The following CCSER1 variants were observed in gnomAD, a reference collection of about 807,000 sequenced individuals.
CCSER1 encodes the protein serine-rich coiled-coil domain-containing protein 1.
Under a neutral mutation model 82.0 loss-of-function variants are expected in CCSER1, and 41 were observed. The observed-to-expected ratio is 0.50, with a 90% CI of 0.39 to 0.65. The LOEUF is 0.65. Among genes scored for constraint, CCSER1 ranks in the 30% least tolerant of loss-of-function variants. The probability of loss-of-function intolerance (pLI) is 0.00; values close to 1 mark genes in which losing one functional copy is unlikely to be tolerated. For missense variants in CCSER1, 1,119 were observed against 1,064.2 expected (o/e 1.05, Z -0.72); for synonymous variants, 414 against 383.9 (o/e 1.08, Z -0.92).
chr4:90,882,649 A>G (rs1721510916), intron 8 of CCSER1, among the ~76,000 whole-genome samples: 1 of 152,050 alleles, frequency 6.6e-6, no homozygotes, highest in South Asian at 2.1e-4. Flanking sequence ...TCTAATCATT[A>G]AAGAATAATG....
At chr4:90,541,655 TCTCA>T (rs1417623601) in intron 5 of CCSER1, among the ~76,000 whole-genome samples, 1 of 152,096 alleles carries the variant, frequency 6.6e-6, no homozygotes, top group African/African-American at 2.4e-5. Context: ...TCCTGTTCTC[TCTCA>T]CTCTCTCTCA....
At chr4:90,452,364 T>C (rs1761573018) in intron 4 of CCSER1, among the ~76,000 whole-genome samples, 1 of 152,164 alleles carries the variant, frequency 6.6e-6, no homozygotes, top group Non-Finnish European at 1.5e-5. Context: ...GAGCTTGATA[T>C]TTGAGTAGGT....
At chr4:90,611,268 C>A (rs756096513) in intron 5 of CCSER1, among the ~76,000 whole-genome samples, 1 of 151,936 alleles carries the variant, frequency 6.6e-6, no homozygotes, top group Non-Finnish European at 1.5e-5. Context: ...AAATGAAGCT[C>A]TGTTGCCTTT....
intron 8 of CCSER1, among the ~76,000 whole-genome samples, chr4:90,853,510 A>G (rs1351175853): frequency 6.6e-6 from 1 of 152,170 alleles, no homozygotes; most frequent in Non-Finnish European, 1.5e-5. Context: ...ATTTTTGATC[A>G]ATATGTTATT....
chr4:90,220,633 T>G (rs918002833), intron 1 of CCSER1, among the ~76,000 whole-genome samples: 1 of 152,210 alleles, frequency 6.6e-6, no homozygotes, highest in African/African-American at 2.4e-5. Flanking sequence ...GTTTCTGTAC[T>G]TTGTATCCGT....
intron 7 of CCSER1, among the ~76,000 whole-genome samples, chr4:90,728,592 T>C (rs1258154410): frequency 6.6e-6 from 1 of 152,138 alleles, no homozygotes; most frequent in African/African-American, 2.4e-5. Flanking sequence ...TCCAGCACTT[T>C]GGGAAGCTGA....
Position 90,168,833 on chromosome 4 carries a change from A to G in CCSER1, c.-42+41002A>G, listed in dbSNP as rs1731042502. On this transcript the variant is annotated intron_variant, in intron 1 of 10. Coordinates refer to ENST00000509176, the MANE Select transcript of CCSER1 (RefSeq NM_001145065.2). The stretch of plus-strand genomic sequence containing the variant: ...GGGCTCCATTCTGTTGCATTGATCT[A>G]TATCTCTGTTTTGGTACCAGTACCA... Among the ~76,000 whole-genome samples the G allele has an allele frequency of 1.4e-5, 2 of 140,568 alleles. 1 individual carries two copies. The highest frequency in any genetic ancestry group is 5.7e-5 in the African/African-American group (2 of 35,274). 92.2% of individuals were successfully genotyped at this position (140,568 alleles called of 152,430 possible). A position where few individuals can be genotyped will look rare whatever the true frequency, so the allele number is the denominator to read the frequency against.
Position 91,067,644 on chromosome 4 carries a change from C to G in CCSER1, c.2173-18306C>G, listed in dbSNP as rs79229390. On this transcript the variant is annotated intron_variant, in intron 9 of 10. Transcript: ENST00000509176. ...ACAGGTATGAGCCACTGCACCCACC[C>G]CATCCTTCTTCTTTAAGGTAAATTA... Among the ~76,000 whole-genome samples, 37 of 152,182 alleles carry G rather than the reference C, an allele frequency of 2.4e-4. 1 individual carries two copies. In the East Asian group the frequency reaches 6.0e-3, roughly 25 times the overall value.
intron 7 of CCSER1, chr4:90,781,910 T>G (rs1428384134): frequency 1.1e-6 from 1 of 930,066 alleles, no homozygotes; most frequent in African/African-American, 1.8e-5. Flanking sequence ...CAAAAAAAGA[T>G]AAAATCGTAT....
chr4:90,818,163 A>G (rs896479723), intron 8 of CCSER1, among the ~76,000 whole-genome samples: 8 of 152,148 alleles, frequency 5.3e-5, no homozygotes, highest in Non-Finnish European at 1.0e-4. Context: ...AGAAAGTTTT[A>G]AATTTTTTGA....
At chr4:90,790,219 A>G (rs1301770657) in intron 7 of CCSER1, among the ~76,000 whole-genome samples, 1 of 152,216 alleles carries the variant, frequency 6.6e-6, no homozygotes, top group Non-Finnish European at 1.5e-5. Context: ...TAATATCCTC[A>G]GCAAACTACT....
At position 90,343,987 on chromosome 4, in the gene CCSER1, TACTA is replaced by T. The variant is rs572351808; in HGVS notation, c.1509+30945_1509+30948del. ...TCAAATACTAGGTCTTATTCATTCTTACTAACTATTTTTTGTACCCATTAACCAT... is the reference window on the plus strand; with the variant it reads ...TCAAATACTAGGTCTTATTCATTCTTACTATTTTTTGTACCCATTAACCAT... On this transcript the variant is annotated intron_variant, in intron 3 of 10. Coordinates refer to ENST00000509176, the MANE Select transcript of CCSER1 (RefSeq NM_001145065.2). Among the ~76,000 whole-genome samples, 845 of 152,264 alleles carry T rather than the reference TACTA, an allele frequency of 5.5e-3. 8 individuals are homozygous for T. Among genetic ancestry groups the T allele is most frequent in the African/African-American group, 0.018 (733 of 41,556 alleles).
At chr4:91,381,860 C>A (rs1233638306) in intron 10 of CCSER1, among the ~76,000 whole-genome samples, 2 of 152,128 alleles carry the variant, frequency 1.3e-5, no homozygotes. Flanking sequence ...TGTTTTATCC[C>A]CATCTTCATG....
chr4:91,464,652 G>A (rs1756756739), intron 10 of CCSER1, among the ~76,000 whole-genome samples: 1 of 152,170 alleles, frequency 6.6e-6, no homozygotes, highest in African/African-American at 2.4e-5. Context: ...TAAAGGGATG[G>A]AGGAAGATCT....
chr4:91,187,714 G>A (rs1016067473), intron 10 of CCSER1, among the ~76,000 whole-genome samples: 11 of 151,970 alleles, frequency 7.2e-5, no homozygotes, highest in African/African-American at 9.7e-5. Flanking sequence ...TACCATGACC[G>A]GCTAATTTTT....
chr4:90,846,880 C>T (rs1483676785), intron 8 of CCSER1, among the ~76,000 whole-genome samples: 1 of 152,146 alleles, frequency 6.6e-6, no homozygotes, highest in African/African-American at 2.4e-5. Context: ...ATCTCTTGAC[C>T]TGGTGATACA....
intron 1 of CCSER1, among the ~76,000 whole-genome samples, chr4:90,147,886 C>T (rs115608320): frequency 0.024 from 3,579 of 152,134 alleles, 134 homozygotes; most frequent in African/African-American, 0.08. Flanking sequence ...TATAAAAGGC[C>T]GGGCATGGTG....
At chr4:90,497,562 CTTG>C (rs1769222756) in intron 5 of CCSER1, among the ~76,000 whole-genome samples, 1 of 152,094 alleles carries the variant, frequency 6.6e-6, no homozygotes, top group Admixed American at 6.6e-5. Flanking sequence ...ACTATTTAAA[CTTG>C]TTGTTTTTAA....
intron 3 of CCSER1, among the ~76,000 whole-genome samples, chr4:90,338,675 A>C (rs879464017): frequency 5.3e-5 from 8 of 152,234 alleles, no homozygotes; most frequent in Non-Finnish European, 1.0e-4. Context: ...ACAAAAAATA[A>C]TGAAAATTTG....
Sources: allele counts gnomAD v4.1 joint callset (sites outside exome capture counted in the v4.1 genomes callset), GRCh38; gene constraint gnomAD v4.1.1; transcripts MANE v1.5; gene names NCBI Gene and HGNC (gene_info 2026-07-23, HGNC 2026-07-21).